TENM2: variants seen among roughly 807,000 people sequenced by gnomAD.
TENM2 encodes the protein teneurin-2.
Under a neutral mutation model 245.2 loss-of-function variants are expected in TENM2, and 52 were observed. The ratio of observed to expected loss-of-function variants is 0.21; its 90% confidence interval spans 0.17 to 0.27. The LOEUF is 0.27. TENM2 is among the 10% of genes least tolerant of loss of function. TENM2 has a pLI of 1.00. For synonymous variants in TENM2, 1,363 were observed against 1,438.9 expected (o/e 0.95, Z 1.19); for missense variants, 3,046 against 3,666.8 (o/e 0.83, Z 4.37).
At chr5:167,361,732 G>A (rs939676736) in intron 1 of TENM2, among the ~76,000 whole-genome samples, 3 of 152,288 alleles carry the variant, frequency 2.0e-5, no homozygotes, top group East Asian at 1.9e-4. Flanking sequence ...GTCATAACTC[G>A]ATGCCTCTGG....
intron 2 of TENM2, among the ~76,000 whole-genome samples, chr5:167,573,784 G>T (rs1454925604): frequency 6.6e-6 from 1 of 151,780 alleles, no homozygotes. Context: ...AAGATTAAAA[G>T]GTGGCGTCAC....
intron 1 of TENM2, among the ~76,000 whole-genome samples, chr5:167,310,744 G>C (rs1755984596): frequency 6.6e-6 from 1 of 152,156 alleles, no homozygotes; most frequent in Admixed American, 6.6e-5. Flanking sequence ...ACCAGGCTTG[G>C]TTGTTACATA....
At chr5:167,588,973 G>A (rs1469468868) in intron 2 of TENM2, among the ~76,000 whole-genome samples, 1 of 152,172 alleles carries the variant, frequency 6.6e-6, no homozygotes, top group East Asian at 1.9e-4. Flanking sequence ...GGCTGAGGTG[G>A]GCGGATCCCT....
At chr5:167,350,642 A>T (rs1467979824) in intron 1 of TENM2, among the ~76,000 whole-genome samples, 3 of 146,218 alleles carry the variant, frequency 2.1e-5, no homozygotes, top group African/African-American at 7.5e-5. Flanking sequence ...TATATATGGG[A>T]TACGTATATG....
chr5:167,508,106 A>G (rs543893268), intron 2 of TENM2, among the ~76,000 whole-genome samples: 1 of 152,290 alleles, frequency 6.6e-6, no homozygotes, highest in East Asian at 1.9e-4. Flanking sequence ...TGAAGCACCC[A>G]GCCAGTTTGT....
chr5:167,734,318 C>T (rs1760647549), intron 2 of TENM2, among the ~76,000 whole-genome samples: 1 of 152,010 alleles, frequency 6.6e-6, no homozygotes, highest in African/African-American at 2.4e-5. Context: ...GGACCCACAT[C>T]TTATCTCAAA....
chr5:167,260,521 G>A, the TENM2 span, among the ~76,000 whole-genome samples: 150 of 152,258 alleles, frequency 9.9e-4, no homozygotes, highest in African/African-American at 3.5e-3. Context: ...AGACCTAAGG[G>A]ATCTTACTAA....
chr5:168,187,914 C>T (rs1162809605), intron 13 of TENM2, among the ~76,000 whole-genome samples: 1 of 152,112 alleles, frequency 6.6e-6, no homozygotes, highest in African/African-American at 2.4e-5. Flanking sequence ...GTCTCTCAAT[C>T]TAAAGTGTGC....
At chr5:167,257,330 A>G in the TENM2 span, among the ~76,000 whole-genome samples, 12 of 152,180 alleles carry the variant, frequency 7.9e-5, no homozygotes, top group South Asian at 1.9e-3. Context: ...AGGTTATAAA[A>G]TATTTCATTG....
intron 2 of TENM2, among the ~76,000 whole-genome samples, chr5:167,624,826 A>G (rs1330470652): frequency 1.3e-5 from 2 of 152,168 alleles, no homozygotes; most frequent in African/African-American, 2.4e-5. Context: ...GGAATGACAA[A>G]ATATAATCTA....
the TENM2 span, among the ~76,000 whole-genome samples, chr5:167,170,224 C>T: frequency 1.3e-5 from 2 of 152,218 alleles, no homozygotes; most frequent in Non-Finnish European, 2.9e-5. Flanking sequence ...TTTGAATTCC[C>T]TCTCAGGGGA....
At chr5:167,486,219 C>T (rs1465966729) in intron 2 of TENM2, among the ~76,000 whole-genome samples, 4 of 152,062 alleles carry the variant, frequency 2.6e-5, no homozygotes, top group African/African-American at 9.7e-5. Flanking sequence ...AGAAGTGGTG[C>T]TTGTGTTGGG....
At chr5:168,076,779 G>C (rs1662261040) in intron 7 of TENM2, among the ~76,000 whole-genome samples, 1 of 152,170 alleles carries the variant, frequency 6.6e-6, no homozygotes, top group Non-Finnish European at 1.5e-5. Context: ...CCAATTTAGG[G>C]ACCCTTAGGC....
the TENM2 span, among the ~76,000 whole-genome samples, chr5:167,139,219 C>T: frequency 2.0e-5 from 3 of 152,366 alleles, no homozygotes; most frequent in African/African-American, 7.2e-5. Context: ...CTGCACGTTT[C>T]TTTTCCTTTT....
chr5:167,052,604 G>C, the TENM2 span, among the ~76,000 whole-genome samples: 1 of 152,134 alleles, frequency 6.6e-6, no homozygotes, highest in East Asian at 1.9e-4. Flanking sequence ...TTCTGTGAGA[G>C]AGCATAAAGT....
At chr5:168,179,172 A>T (rs1759637243) in intron 13 of TENM2, among the ~76,000 whole-genome samples, 1 of 151,320 alleles carries the variant, frequency 6.6e-6, no homozygotes, top group African/African-American at 2.4e-5. Context: ...TTTGAGGTAG[A>T]CAACCAACAT....
intron 1 of TENM2, among the ~76,000 whole-genome samples, chr5:167,313,549 A>G (rs1368795065): frequency 6.6e-6 from 1 of 152,124 alleles, no homozygotes; most frequent in East Asian, 1.9e-4. Flanking sequence ...AGGCAGGAGA[A>G]CCATTTGAAC....
chr5:167,668,785 T>G (rs1165474696), intron 2 of TENM2, among the ~76,000 whole-genome samples: 1 of 152,016 alleles, frequency 6.6e-6, no homozygotes, highest in Non-Finnish European at 1.5e-5. Flanking sequence ...TGAAACCTCA[T>G]CTCTATAAAA....
Position 167,405,769 on chromosome 5 carries a change from AAC to A in TENM2, c.502+30325_502+30326del, listed in dbSNP as rs149621688. ...AGTGCAATTCAAACACACACACACAAACACACACACACACACACACACACACA... is the reference window on the plus strand; with the variant it reads ...AGTGCAATTCAAACACACACACACAAACACACACACACACACACACACACA... On this transcript the variant is annotated intron_variant, in intron 2 of 28. Coordinates refer to ENST00000518659, the Ensembl canonical transcript of TENM2. Among the ~76,000 whole-genome samples the A allele has an allele frequency of 6.4e-3, 927 of 145,206 alleles. 5 individuals are homozygous for A. The highest frequency in any genetic ancestry group is 7.7e-3 in the South Asian group (34 of 4,438).
Sources: allele counts gnomAD v4.1 joint callset (sites outside exome capture counted in the v4.1 genomes callset), GRCh38; gene constraint gnomAD v4.1.1; transcripts MANE v1.5; gene names NCBI Gene and HGNC (gene_info 2026-07-23, HGNC 2026-07-21).